KIAA1328: variants seen among roughly 807,000 people sequenced by gnomAD.
The protein encoded by KIAA1328 is protein hinderin.
Under a neutral mutation model 68.1 loss-of-function variants are expected in KIAA1328, and 52 were observed. That is an observed-to-expected ratio of 0.76 (90% CI 0.61 to 0.96). The LOEUF is 0.96. KIAA1328 is among the 40% of genes least tolerant of loss of function. The pLI is 0.00. For missense variants in KIAA1328, 641 were observed against 677.6 expected (o/e 0.95, Z 0.60); for synonymous variants, 232 against 239.4 (o/e 0.97, Z 0.28).
intron 6 of KIAA1328, among the ~76,000 whole-genome samples, chr18:36,987,898 T>C (rs1340214898): frequency 6.6e-6 from 1 of 152,186 alleles, no homozygotes; most frequent in Non-Finnish European, 1.5e-5. Flanking sequence ...TGCCTGGCCT[T>C]ATTGTGATCA....
chr18:37,155,052 C>T (rs2059124376), intron 7 of KIAA1328, among the ~76,000 whole-genome samples: 2 of 152,188 alleles, frequency 1.3e-5, no homozygotes, highest in African/African-American at 4.8e-5. Context: ...AGCCCTGCTA[C>T]AAATGGATGA....
intron 4 of KIAA1328, among the ~76,000 whole-genome samples, chr18:36,865,275 TC>T (rs1431434218): frequency 6.6e-6 from 1 of 152,152 alleles, no homozygotes; most frequent in Non-Finnish European, 1.5e-5. Context: ...TTCATTCAAT[TC>T]TATGTATTTT....
intron 3 of KIAA1328, among the ~76,000 whole-genome samples, chr18:36,843,252 T>C (rs1479662632): frequency 6.6e-6 from 1 of 152,178 alleles, no homozygotes; most frequent in Non-Finnish European, 1.5e-5. Flanking sequence ...CCAAAGCTTA[T>C]TTTATTATCA....
intron 5 of KIAA1328, among the ~76,000 whole-genome samples, chr18:36,903,150 A>G (rs188115156): frequency 6.6e-6 from 1 of 152,184 alleles, no homozygotes; most frequent in East Asian, 1.9e-4. Flanking sequence ...TTCATTCCCA[A>G]ATCATCAGTG....
intron 7 of KIAA1328, among the ~76,000 whole-genome samples, chr18:37,102,245 T>G (rs1236028737): frequency 6.6e-6 from 1 of 152,006 alleles, no homozygotes; most frequent in Non-Finnish European, 1.5e-5. Flanking sequence ...CATGGACATG[T>G]GGGAAAGAAC....
chr18:36,839,706 A>G (rs1298127592), intron 3 of KIAA1328, among the ~76,000 whole-genome samples: 1 of 152,136 alleles, frequency 6.6e-6, no homozygotes, highest in Non-Finnish European at 1.5e-5. Context: ...ATTCTTTCCA[A>G]GCTTCATTTT....
At chr18:36,864,860 G>A (rs536981672) in intron 4 of KIAA1328, among the ~76,000 whole-genome samples, 40 of 151,648 alleles carry the variant, frequency 2.6e-4, no homozygotes, top group African/African-American at 8.2e-4. Flanking sequence ...TTCAATAATT[G>A]TTTCTTTTTT....
intron 7 of KIAA1328, among the ~76,000 whole-genome samples, chr18:37,115,099 G>T (rs1401205855): frequency 6.6e-6 from 1 of 152,302 alleles, no homozygotes; most frequent in African/African-American, 2.4e-5. Flanking sequence ...AGTGGAGCTG[G>T]TACCATTCCT....
intron 9 of KIAA1328, among the ~76,000 whole-genome samples, chr18:37,192,012 A>G (rs2059913815): frequency 1.3e-5 from 2 of 152,148 alleles, no homozygotes; most frequent in African/African-American, 4.8e-5. Context: ...TTGCTCACAA[A>G]TCAGTTCTAG....
intron 7 of KIAA1328, among the ~76,000 whole-genome samples, chr18:37,121,416 TTCTATCTATCTATCTA>T (rs59343128): frequency 1.1e-4 from 16 of 148,820 alleles, no homozygotes; most frequent in East Asian, 4.0e-4. Context: ...ATTTTAGGAC[TTCTATCTATCTATCTA>T]TCTATCTATC....
chr18:37,216,763 C>CT (rs1414950248), intron 9 of KIAA1328, among the ~76,000 whole-genome samples: 1 of 152,072 alleles, frequency 6.6e-6, no homozygotes, highest in Non-Finnish European at 1.5e-5. Flanking sequence ...TTGTGGGAGT[C>CT]TATGTCTCCT....
chr18:37,092,654 A>G (rs951873566), intron 7 of KIAA1328, among the ~76,000 whole-genome samples: 6 of 152,120 alleles, frequency 3.9e-5, no homozygotes, highest in African/African-American at 1.4e-4. Flanking sequence ...GCATAAGGAC[A>G]GACCATTCCT....
chr18:36,974,180 A>G (rs904345808), intron 6 of KIAA1328, among the ~76,000 whole-genome samples: 4 of 152,066 alleles, frequency 2.6e-5, no homozygotes, highest in African/African-American at 7.2e-5. Flanking sequence ...TTTGATTTGT[A>G]TAAATTTTAG....
intron 9 of KIAA1328, among the ~76,000 whole-genome samples, chr18:37,208,465 G>T (rs1357531509): frequency 6.6e-6 from 1 of 152,204 alleles, no homozygotes; most frequent in Non-Finnish European, 1.5e-5. Flanking sequence ...CATTAGCAGG[G>T]ATGATGGTCA....
At chr18:36,970,154 T>C (rs1231561984) in intron 6 of KIAA1328, among the ~76,000 whole-genome samples, 3 of 152,212 alleles carry the variant, frequency 2.0e-5, no homozygotes, top group Admixed American at 1.3e-4. Context: ...TGGTTCAACT[T>C]ATGCAAATCA....
At chr18:36,891,398 C>T (rs575845600) in intron 5 of KIAA1328, among the ~76,000 whole-genome samples, 1 of 152,230 alleles carries the variant, frequency 6.6e-6, no homozygotes, top group African/African-American at 2.4e-5. Flanking sequence ...TTTGGTACAC[C>T]TGTCACTGGA....
chr18:36,954,945 C>T (rs1337949345), intron 5 of KIAA1328, among the ~76,000 whole-genome samples: 1 of 152,066 alleles, frequency 6.6e-6, no homozygotes, highest in Non-Finnish European at 1.5e-5. Flanking sequence ...GATCTGTCCG[C>T]CTTGGCCTCC....
intron 7 of KIAA1328, among the ~76,000 whole-genome samples, chr18:37,142,567 T>C (rs998226797): frequency 1.3e-5 from 2 of 152,046 alleles, no homozygotes; most frequent in Non-Finnish European, 2.9e-5. Flanking sequence ...CTTCACTGAA[T>C]TGCCTGATAC....
downstream of KIAA1328, among the ~76,000 whole-genome samples, chr18:37,227,419 G>A (rs576421506): frequency 6.6e-6 from 1 of 152,222 alleles, no homozygotes; most frequent in Non-Finnish European, 1.5e-5. Flanking sequence ...TCAATGCCTG[G>A]CTTCAAAGCT....
Sources: gnomAD v4.1 joint callset for allele counts (sites outside exome capture counted in the v4.1 genomes callset) on GRCh38, gnomAD v4.1.1 for gene constraint, MANE v1.5 for transcripts, NCBI Gene and HGNC (gene_info 2026-07-23, HGNC 2026-07-21) for gene names.